The following HERC2 variants were observed in gnomAD, a reference collection of about 807,000 sequenced individuals.
The protein encoded by HERC2 is E3 ubiquitin-protein ligase HERC2.
A neutral mutation model predicts 537.7 loss-of-function variants in HERC2; 102 were observed. The ratio of observed to expected loss-of-function variants is 0.19; its 90% CI spans 0.16 to 0.22. The LOEUF is 0.22. Ranked by LOEUF, HERC2 falls within the 10% of genes least tolerant of loss-of-function variation. The pLI is 1.00. For synonymous variants in HERC2, 2,224 were observed against 2,466.2 expected, an observed-to-expected ratio of 0.90 and a Z score of 2.91; for missense variants, 4,236 against 6,198.2, an observed-to-expected ratio of 0.68 and a Z score of 10.63.
At chr15:28,132,355 G>T (rs1890195274) in intron 80 of HERC2, 94 bp from the exon 81 acceptor site, 1 of 1,207,138 alleles carries the variant, frequency 8.3e-7, no homozygotes, top group Non-Finnish European at 1.1e-6. Context: ...TTTTTATGGG[G>T]GTACCTGTTT....
At chr15:28,300,271 C>T (rs886087397) in intron 2 of HERC2, among the ~76,000 whole-genome samples, 3 of 150,178 alleles carry the variant, frequency 2.0e-5, no homozygotes, top group East Asian at 2.0e-4. Context: ...GACTTTCATC[C>T]TCAAAAATTA....
intron 78 of HERC2, among the ~76,000 whole-genome samples, chr15:28,137,845 C>A (rs1466917639): frequency 6.6e-6 from 1 of 152,200 alleles, no homozygotes; most frequent in Non-Finnish European, 1.5e-5. Context: ...GAGTAAGGCA[C>A]ACTGAAAGCC....
At chr15:28,150,566 C>T (rs773715624) in intron 70 of HERC2, among the ~76,000 whole-genome samples, 3 of 150,658 alleles carry the variant, frequency 2.0e-5, no homozygotes, top group Admixed American at 6.6e-5. Flanking sequence ...AAAACACACG[C>T]GGCTTCTAAC....
chr15:28,190,648 A>G (rs1008795935), intron 55 of HERC2: 12 of 329,068 alleles, frequency 3.6e-5, no homozygotes, highest in Non-Finnish European at 5.5e-5. Flanking sequence ...GAGATATTTA[A>G]TGAAAACCGA....
In HERC2 at chr15:28,236,981, C is replaced by T; in HGVS notation, c.3985G>A (p.Val1329Ile). Residue 1329 changes from valine (V) to isoleucine (I), a missense_variant, in exon 26 of 93, where the codon GTC (valine) becomes ATC (isoleucine). By Grantham distance (29) the Val-to-Ile change is conservative. This residue lies in a region of HERC2 where 754 missense variants were observed against 1,085.0 expected (regional missense o/e 0.69). Transcript: ENST00000261609. ...YLAMSTPLSP[V>I]EIECAKWLQS... Reference sequence around the variant, plus strand: ...TTCTTACTGGCACATTCAATCTCGACAGGAGACAGCGGTGTGCTCATTGCC... The same window carrying T: ...TTCTTACTGGCACATTCAATCTCGATAGGAGACAGCGGTGTGCTCATTGCC... 1.2e-6 allele frequency: 2 copies of T among 1,611,916 alleles called. No homozygotes were observed. Among genetic ancestry groups the T allele is most frequent in the African/African-American group, 1.3e-5 (1 of 74,980 alleles).
At chr15:28,199,938 G>A (rs915539672) in intron 48 of HERC2, among the ~76,000 whole-genome samples, 8 of 152,098 alleles carry the variant, frequency 5.3e-5, no homozygotes, top group Non-Finnish European at 1.0e-4. Flanking sequence ...GAGAGGACGG[G>A]GGAAGGAGTA....
chr15:28,305,206 T>C (rs2076751883), intron 2 of HERC2, among the ~76,000 whole-genome samples: 1 of 150,030 alleles, frequency 6.7e-6, no homozygotes, highest in Non-Finnish European at 1.5e-5. Context: ...AGCAGCATGA[T>C]TTATAGTCAT....
At chr15:28,195,824 G>C (rs1212347423) in intron 52 of HERC2, among the ~76,000 whole-genome samples, 2 of 152,088 alleles carry the variant, frequency 1.3e-5, no homozygotes, top group Non-Finnish European at 2.9e-5. Flanking sequence ...AAATGATTAA[G>C]TGGCTAATTT....
rs150517241 is a variant in HERC2, at chr15:28,168,509, G to T, written c.10311C>A (p.Ser3437=). The T allele has an allele frequency of 5.0e-6, 8 of 1,614,186 alleles. No individual in the cohort carries two copies. The highest frequency in any genetic ancestry group is 6.8e-6 in the Non-Finnish European group (8 of 1,180,030). ...TGGGACTAGCCATCGCAGATGCGTCGGAAGGGGCCGCCGAGGAGAACGAGG... is the reference window on the plus strand; with the variant it reads ...TGGGACTAGCCATCGCAGATGCGTCTGAAGGGGCCGCCGAGGAGAACGAGG... ...ECPSFSSAAP[S]DASAMASPMN... The change falls in exon 67 of 93, where the codon TCC becomes TCA. Residue 3437 remains serine (S), a synonymous_variant. Coordinates refer to ENST00000261609, the MANE Select transcript of HERC2 (RefSeq NM_004667.6).
At chr15:28,263,758 A>G (rs1000199879) in intron 14 of HERC2, among the ~76,000 whole-genome samples, 1 of 152,200 alleles carries the variant, frequency 6.6e-6, no homozygotes, top group African/African-American at 2.4e-5. Flanking sequence ...TAGGCTGGGC[A>G]TGGTAGCTCA....
At chr15:28,120,596 G>T (rs370544367) in intron 86 of HERC2, among the ~76,000 whole-genome samples, 1 of 152,158 alleles carries the variant, frequency 6.6e-6, no homozygotes, top group Non-Finnish European at 1.5e-5. Flanking sequence ...TCTACTTGTC[G>T]TTTCTTTGAT....
At chr15:28,152,951 T>G in intron 69 of HERC2, 121 bp from the exon 70 acceptor site, 3 of 992,128 alleles carry the variant, frequency 3.0e-6, no homozygotes, top group Non-Finnish European at 4.4e-6. Flanking sequence ...AGTGGAGGGC[T>G]TGGAGTTTGA....
At chr15:28,276,945 T>C (rs1448218752) in intron 5 of HERC2, among the ~76,000 whole-genome samples, 1 of 151,980 alleles carries the variant, frequency 6.6e-6, no homozygotes, top group Non-Finnish European at 1.5e-5. Flanking sequence ...TGTGGTGTCA[T>C]GCATCTGTAG....
intron 55 of HERC2, among the ~76,000 whole-genome samples, chr15:28,187,457 G>A (rs1164182196): frequency 6.6e-6 from 1 of 151,754 alleles, no homozygotes; most frequent in Non-Finnish European, 1.5e-5. Context: ...TCAGCCTCCT[G>A]AGTACCTAAG....
intron 65 of HERC2, among the ~76,000 whole-genome samples, chr15:28,173,866 GAAATTA>G (rs144522189): frequency 0.038 from 5,067 of 133,876 alleles, 177 homozygotes; most frequent in African/African-American, 0.11. Context: ...TCTAGTGACA[GAAATTA>G]AATTGGTGCA....
At chr15:28,173,802 A>AAC (rs1005697555) in intron 65 of HERC2, among the ~76,000 whole-genome samples, 6 of 151,898 alleles carry the variant, frequency 4.0e-5, no homozygotes, top group African/African-American at 1.2e-4. Flanking sequence ...AAAAAAAAAA[A>AAC]AAAAAACCCA....
intron 56 of HERC2, among the ~76,000 whole-genome samples, chr15:28,184,134 T>C (rs1224182508): frequency 6.6e-6 from 1 of 152,002 alleles, no homozygotes; most frequent in Non-Finnish European, 1.5e-5. Flanking sequence ...GAGGTTGCAG[T>C]GAGCTGAGAT....
At chr15:28,228,076 C>A in intron 35 of HERC2, 142 bp downstream of exon 35, 2 of 730,462 alleles carry the variant, frequency 2.7e-6, no homozygotes, top group Non-Finnish European at 4.4e-6. Flanking sequence ...TGAATTGTGA[C>A]GTTAAAATGG....
chr15:28,238,093 A>G, intron 25 of HERC2, 21 bp downstream of exon 25: 1 of 1,488,574 alleles, frequency 6.7e-7, no homozygotes, highest in Non-Finnish European at 9.4e-7. Flanking sequence ...CCTCTGCATC[A>G]CTCAAGGCAT....
Sources: allele counts gnomAD v4.1 joint callset (sites outside exome capture counted in the v4.1 genomes callset), GRCh38; gene constraint gnomAD v4.1.1; regional missense constraint gnomAD v4.1.1; transcripts MANE v1.5; gene names NCBI Gene and HGNC (gene_info 2026-07-23, HGNC 2026-07-21).